Variants in CIMIP6 observed in about 807,000 individuals in gnomAD.
The protein encoded by CIMIP6 is ciliary microtubule inner protein 6.
the CIMIP6 span, among the ~76,000 whole-genome samples, chr2:54,337,545 G>T: frequency 4.7e-4 from 71 of 152,266 alleles, 1 homozygote; most frequent in African/African-American, 1.7e-3. Context: ...ATTTAAAACT[G>T]TTCACTGAAC....
At chr2:54,354,820 T>C in the CIMIP6 span, among the ~76,000 whole-genome samples, 217 of 152,140 alleles carry the variant, frequency 1.4e-3, 1 homozygote, top group African/African-American at 4.9e-3. Context: ...TTCTTTTTTA[T>C]AGTATTCACC....
chr2:54,343,080 T>G, the CIMIP6 span, among the ~76,000 whole-genome samples: 1 of 152,160 alleles, frequency 6.6e-6, no homozygotes, highest in Admixed American at 6.6e-5. Context: ...TAGAACAAAG[T>G]TTATCAAACT....
the CIMIP6 span, among the ~76,000 whole-genome samples, chr2:54,358,513 C>T: frequency 6.6e-6 from 1 of 152,076 alleles, no homozygotes; most frequent in Admixed American, 6.5e-5. Flanking sequence ...GCGATCCTCC[C>T]ACCTCAGCCT....
chr2:54,378,012 G>A, the CIMIP6 span, among the ~76,000 whole-genome samples: 19 of 152,286 alleles, frequency 1.2e-4, no homozygotes, highest in African/African-American at 4.3e-4. Flanking sequence ...TCTCTTTAAC[G>A]TGTGCCCATA....
At chr2:54,358,964 C>G in the CIMIP6 span, 1 of 1,518,216 alleles carries the variant, frequency 6.6e-7, no homozygotes, top group East Asian at 2.4e-5. Context: ...TTTAGTACCA[C>G]TTGCCTCTCC....
the CIMIP6 span, among the ~76,000 whole-genome samples, chr2:54,381,084 T>C: frequency 6.6e-6 from 1 of 152,132 alleles, no homozygotes; most frequent in Non-Finnish European, 1.5e-5. Context: ...CAGAATATGC[T>C]TGCAAAAAAC....
At chr2:54,332,516 G>A in the CIMIP6 span, among the ~76,000 whole-genome samples, 1 of 152,182 alleles carries the variant, frequency 6.6e-6, no homozygotes, top group Admixed American at 6.5e-5. Context: ...TCATGCAAAT[G>A]AGACAAAGGC....
At chr2:54,337,138 T>C in the CIMIP6 span, among the ~76,000 whole-genome samples, 1 of 152,208 alleles carries the variant, frequency 6.6e-6, no homozygotes, top group Non-Finnish European at 1.5e-5. Flanking sequence ...CTCCTCCTAC[T>C]CCACTTCTTT....
the CIMIP6 span, among the ~76,000 whole-genome samples, chr2:54,364,978 T>C: frequency 1.3e-5 from 2 of 152,076 alleles, no homozygotes; most frequent in African/African-American, 4.8e-5. Flanking sequence ...AAATAAGCAA[T>C]TGCAGAGTTG....
the CIMIP6 span, among the ~76,000 whole-genome samples, chr2:54,341,138 G>T: frequency 6.6e-6 from 1 of 152,078 alleles, no homozygotes; most frequent in African/African-American, 2.4e-5. Flanking sequence ...TATCACAGAA[G>T]AACTTTCTCA....
chr2:54,380,220 G>A, the CIMIP6 span, among the ~76,000 whole-genome samples: 1 of 152,086 alleles, frequency 6.6e-6, no homozygotes, highest in Non-Finnish European at 1.5e-5. Context: ...TTGTATTTAT[G>A]ATACCTCCTT....
chr2:54,341,677 A>G, the CIMIP6 span, among the ~76,000 whole-genome samples: 11 of 152,358 alleles, frequency 7.2e-5, no homozygotes, highest in African/African-American at 2.4e-4. Flanking sequence ...GCAGTGCAGC[A>G]GTCTGCTGGT....
At chr2:54,337,510 A>T in the CIMIP6 span, among the ~76,000 whole-genome samples, 4 of 152,156 alleles carry the variant, frequency 2.6e-5, no homozygotes, top group African/African-American at 9.7e-5. Context: ...CTCATGAATG[A>T]CTCTGAGCTC....
the CIMIP6 span, among the ~76,000 whole-genome samples, chr2:54,366,493 T>C: frequency 2.0e-5 from 3 of 152,194 alleles, no homozygotes; most frequent in Admixed American, 2.0e-4. Context: ...GAGCATTTTC[T>C]AGGATTAAAG....
At chr2:54,368,699 T>C in the CIMIP6 span, among the ~76,000 whole-genome samples, 4 of 152,202 alleles carry the variant, frequency 2.6e-5, no homozygotes, top group African/African-American at 9.7e-5. Flanking sequence ...GCCACACAGC[T>C]GTCAACCATG....
At chr2:54,356,933 A>G in the CIMIP6 span, among the ~76,000 whole-genome samples, 1 of 152,214 alleles carries the variant, frequency 6.6e-6, no homozygotes, top group Non-Finnish European at 1.5e-5. Flanking sequence ...GTGTCCGCAC[A>G]TACTAATGTT....
At chr2:54,352,658 T>C in the CIMIP6 span, among the ~76,000 whole-genome samples, 1 of 152,264 alleles carries the variant, frequency 6.6e-6, no homozygotes, top group Non-Finnish European at 1.5e-5. Context: ...GGGGATTGGT[T>C]TCAGGACCCC....
chr2:54,331,122 A>C, the CIMIP6 span: 1 of 922,808 alleles, frequency 1.1e-6, no homozygotes, highest in Non-Finnish European at 1.7e-6. Flanking sequence ...TTGCTTCTCT[A>C]ATTTCCAGTT....
At chr2:54,340,991 T>A in the CIMIP6 span, among the ~76,000 whole-genome samples, 1 of 152,076 alleles carries the variant, frequency 6.6e-6, no homozygotes, top group South Asian at 2.1e-4. Context: ...CAAATAATAA[T>A]AATTAAAGTC....
Sources: gnomAD v4.1 joint callset for allele counts (sites outside exome capture counted in the v4.1 genomes callset) on GRCh38, gnomAD v4.1.1 for gene constraint, MANE v1.5 for transcripts, NCBI Gene and HGNC (gene_info 2026-07-23, HGNC 2026-07-21) for gene names.